Variants in SNTG2 observed in about 807,000 individuals in gnomAD.
SNTG2 encodes the protein gamma-2-syntrophin.
A neutral mutation model predicts 70.9 loss-of-function variants in SNTG2; 74 were observed. The ratio of observed to expected loss-of-function variants is 1.04; its 90% CI spans 0.86 to 1.27. The LOEUF is 1.27. Among genes scored for constraint, SNTG2 ranks in the 50% most tolerant of loss-of-function variants. The probability of loss-of-function intolerance (pLI) is 0.00; values close to 1 mark genes in which losing one functional copy is unlikely to be tolerated. For synonymous variants in SNTG2, 278 were observed against 273.8 expected (o/e 1.02, Z -0.15); for missense variants, 717 against 690.7 (o/e 1.04, Z -0.43).
intron 1 of SNTG2, among the ~76,000 whole-genome samples, chr2:999,483 A>C (rs944754888): frequency 2.0e-5 from 3 of 152,078 alleles, no homozygotes; most frequent in Admixed American, 6.5e-5. Flanking sequence ...AAAAACAATG[A>C]TGAGTAGTTA....
intron 1 of SNTG2, among the ~76,000 whole-genome samples, chr2:999,287 T>C (rs1661789927): frequency 6.6e-6 from 1 of 152,048 alleles, no homozygotes; most frequent in Non-Finnish European, 1.5e-5. Context: ...ACCTCACATA[T>C]CAATATTAAC....
At chr2:1,268,666 G>GA (rs1045755905) in intron 14 of SNTG2, among the ~76,000 whole-genome samples, 3 of 152,146 alleles carry the variant, frequency 2.0e-5, no homozygotes, top group African/African-American at 7.2e-5. Flanking sequence ...TTACATGCTG[G>GA]AAAGAAAATT....
At chr2:1,197,515 A>ATGTGTG (rs71299845) in intron 8 of SNTG2, among the ~76,000 whole-genome samples, 12,668 of 128,302 alleles carry the variant, frequency 0.099, 710 homozygotes, top group Non-Finnish European at 0.12. Context: ...ATGTATATAT[A>ATGTGTG]TGTGTGTGTG....
At chr2:1,296,728 G>C (rs923839113) in intron 14 of SNTG2, among the ~76,000 whole-genome samples, 40 of 152,168 alleles carry the variant, frequency 2.6e-4, no homozygotes, top group African/African-American at 9.7e-4. Flanking sequence ...CCTGCTTCCG[G>C]GTCAGCACAG....
intron 16 of SNTG2, among the ~76,000 whole-genome samples, chr2:1,348,668 A>G (rs530301119): frequency 1.3e-5 from 2 of 152,362 alleles, no homozygotes; most frequent in East Asian, 3.9e-4. Context: ...CCTAAAGTGT[A>G]TAAAATCAAG....
intron 16 of SNTG2, among the ~76,000 whole-genome samples, chr2:1,327,770 C>G (rs1489704434): frequency 6.6e-6 from 1 of 152,086 alleles, no homozygotes; most frequent in Non-Finnish European, 1.5e-5. Flanking sequence ...TTTTATTTAC[C>G]AAAATTCTTA....
At chr2:1,198,864 A>G (rs1237973474) in intron 8 of SNTG2, among the ~76,000 whole-genome samples, 1 of 152,106 alleles carries the variant, frequency 6.6e-6, no homozygotes, top group Non-Finnish European at 1.5e-5. Flanking sequence ...ATAGACCAAT[A>G]ACAAGTAACA....
intron 1 of SNTG2, among the ~76,000 whole-genome samples, chr2:1,008,264 G>A (rs147578171): frequency 2.0e-5 from 3 of 152,218 alleles, no homozygotes; most frequent in African/African-American, 4.8e-5. Context: ...GGGACATTTC[G>A]AATGTGTGTT....
At chr2:1,305,536 C>T (rs1680635868) in intron 14 of SNTG2, among the ~76,000 whole-genome samples, 1 of 152,158 alleles carries the variant, frequency 6.6e-6, no homozygotes, top group African/African-American at 2.4e-5. Flanking sequence ...GAAATAATCC[C>T]ACATGTCATT....
chr2:964,165 A>C (rs1006474201), intron 1 of SNTG2, among the ~76,000 whole-genome samples: 7 of 152,262 alleles, frequency 4.6e-5, no homozygotes, highest in Non-Finnish European at 5.9e-5. Flanking sequence ...GCTCCAAGGT[A>C]GCCAAAGAAC....
chr2:1,197,254 A>G (rs1672964993), intron 8 of SNTG2, among the ~76,000 whole-genome samples: 1 of 152,092 alleles, frequency 6.6e-6, no homozygotes, highest in African/African-American at 2.4e-5. Context: ...TACATTTATT[A>G]CCTGAAAGTG....
At chr2:1,276,351 A>T (rs1473564589) in intron 14 of SNTG2, among the ~76,000 whole-genome samples, 1 of 152,238 alleles carries the variant, frequency 6.6e-6, no homozygotes, top group Non-Finnish European at 1.5e-5. Flanking sequence ...TTAGGGTCCA[A>T]TGTATATGGA....
At chr2:984,440 T>C (rs536716895) in intron 1 of SNTG2, among the ~76,000 whole-genome samples, 1 of 151,930 alleles carries the variant, frequency 6.6e-6, no homozygotes, top group Non-Finnish European at 1.5e-5. Flanking sequence ...TTCTCCACGG[T>C]CCAAGCAGGA....
At chr2:1,211,575 G>A (rs1285562979) in intron 9 of SNTG2, among the ~76,000 whole-genome samples, 1 of 152,140 alleles carries the variant, frequency 6.6e-6, no homozygotes, top group African/African-American at 2.4e-5. Flanking sequence ...ACATGACTGG[G>A]GAGGCCTCAC....
chr2:1,265,444 G>C (rs901051317), intron 13 of SNTG2, among the ~76,000 whole-genome samples: 2 of 152,094 alleles, frequency 1.3e-5, no homozygotes, highest in Admixed American at 6.5e-5. Flanking sequence ...ATGTTCTCAC[G>C]TGCACACACC....
intron 14 of SNTG2, among the ~76,000 whole-genome samples, chr2:1,287,945 G>T (rs932903588): frequency 4.8e-5 from 4 of 83,970 alleles, no homozygotes; most frequent in Non-Finnish European, 9.8e-5. Context: ...GTGATGGACA[G>T]CCTGGACCCG....
intron 4 of SNTG2, among the ~76,000 whole-genome samples, chr2:1,127,015 T>TCTTA (rs58348597): frequency 0.59 from 89,840 of 151,464 alleles, 27,334 homozygotes; most frequent in East Asian, 0.72. Flanking sequence ...GTTTTTGAGG[T>TCTTA]TTTATACAAT....
At chr2:1,233,923 G>A (rs1038003657) in intron 9 of SNTG2, among the ~76,000 whole-genome samples, 25 of 151,508 alleles carry the variant, frequency 1.7e-4, no homozygotes, top group African/African-American at 5.6e-4. Flanking sequence ...GGTGCCAAGC[G>A]CTCTGCCTTC....
intron 4 of SNTG2, among the ~76,000 whole-genome samples, chr2:1,125,353 G>GT (rs1037140103): frequency 4.6e-5 from 7 of 152,110 alleles, no homozygotes; most frequent in African/African-American, 1.7e-4. Context: ...TCAAGAGTGT[G>GT]TAACAGGAAG....
Sources: allele counts gnomAD v4.1 joint callset (sites outside exome capture counted in the v4.1 genomes callset), GRCh38; gene constraint gnomAD v4.1.1; transcripts MANE v1.5; gene names NCBI Gene and HGNC (gene_info 2026-07-23, HGNC 2026-07-21).